The following FGF12 variants were observed in gnomAD, a reference collection of about 807,000 sequenced individuals.
FGF12 encodes fibroblast growth factor 12.
FGF12 carries 14 observed loss-of-function variants against 23.6 expected under a neutral mutation model. The ratio of observed to expected loss-of-function variants is 0.59; its 90% CI spans 0.39 to 0.93. The LOEUF (loss-of-function observed/expected upper bound fraction) is 0.93, where lower values mean the gene tolerates loss of function less well. FGF12 is among the 40% of genes least tolerant of loss of function. FGF12 has a pLI of 0.00. For synonymous variants in FGF12, 62 were observed against 77.3 expected (o/e 0.80, Z 1.04); for missense variants, 175 against 217.8 (o/e 0.80, Z 1.24).
intron 2 of FGF12, chr3:192,516,488 A>T (rs1444715966): frequency 6.6e-6 from 1 of 152,292 alleles, no homozygotes; most frequent in Non-Finnish European, 1.5e-5. Flanking sequence ...TAGGCTAAAC[A>T]TTCGCGGTTC....
At chr3:192,496,425 G>A (rs1020600222) in intron 2 of FGF12, among the ~76,000 whole-genome samples, 13 of 152,104 alleles carry the variant, frequency 8.5e-5, no homozygotes, top group African/African-American at 2.9e-4. Context: ...ATAGGAAGAC[G>A]CTTTTACACT....
At chr3:192,163,456 T>A (rs1577191155) in intron 5 of FGF12, among the ~76,000 whole-genome samples, 1 of 152,334 alleles carries the variant, frequency 6.6e-6, no homozygotes, top group East Asian at 1.9e-4. Context: ...TATATTACAT[T>A]AGATTCAGTC....
At chr3:192,335,231 C>A in intron 4 of FGF12, 130 bp downstream of exon 4, 1 of 640,708 alleles carries the variant, frequency 1.6e-6, no homozygotes, top group Non-Finnish European at 2.8e-6. Flanking sequence ...AAAATAATCC[C>A]GAAAAACAGG....
chr3:192,467,143 T>G (rs1460220613), intron 2 of FGF12, among the ~76,000 whole-genome samples: 2 of 152,302 alleles, frequency 1.3e-5, no homozygotes, highest in Non-Finnish European at 2.9e-5. Context: ...GTTTTAGAAT[T>G]TTTTCAGTTA....
At chr3:192,669,602 T>TAAAAAAAAAAAAAAAAAAAAAA (rs59897483) in intron 2 of FGF12, among the ~76,000 whole-genome samples, 21 of 59,528 alleles carry the variant, frequency 3.5e-4, no homozygotes, top group Non-Finnish European at 5.0e-4. Context: ...GACTCTGTCT[T>TAAAAAAAAAAAAAAAAAAAAAA]AAAAAAAAAA....
rs34991386 is a variant in FGF12, at chr3:192,336,108, TACACACACACAC to T, written c.125-656_125-645del. Among the ~76,000 whole-genome samples, 1 of 143,978 alleles carries T rather than the reference TACACACACACAC, an allele frequency of 6.9e-6. No individual in the cohort carries two copies. 94.5% of individuals were successfully genotyped at this position (143,978 alleles called of 152,430 possible). On this transcript the variant is annotated intron_variant, in intron 3 of 5. Coordinates refer to ENST00000445105, the MANE Select transcript of FGF12 (RefSeq NM_004113.6). This position sits in a 1 kb window ranked among gnomAD's most constrained non-coding sequence, Gnocchi z 4.3. ...ATATATTTTATATCCAGGTGGGAAA[TACACACACACAC>T]ACACACACACACACACATATACACA... is the stretch of plus-strand genomic sequence containing the variant.
chr3:192,618,213 G>A (rs904353194), intron 2 of FGF12, among the ~76,000 whole-genome samples: 1 of 148,112 alleles, frequency 6.8e-6, no homozygotes, highest in Non-Finnish European at 1.5e-5. Flanking sequence ...GTGAAAAAGA[G>A]TACATTCTTT....
intron 2 of FGF12, among the ~76,000 whole-genome samples, chr3:192,680,555 C>T (rs964659603): frequency 1.3e-5 from 2 of 151,960 alleles, no homozygotes; most frequent in African/African-American, 4.8e-5. Flanking sequence ...CTGGAGCGGA[C>T]AGAAGAAAAC....
intron 2 of FGF12, among the ~76,000 whole-genome samples, chr3:192,453,215 AC>A (rs1190912640): frequency 6.6e-6 from 1 of 151,884 alleles, no homozygotes; most frequent in African/African-American, 2.4e-5. Context: ...ATACTTCCAA[AC>A]CATCTATTGG....
At chr3:192,687,564 TA>T (rs1717790164) in intron 2 of FGF12, among the ~76,000 whole-genome samples, 1 of 152,104 alleles carries the variant, frequency 6.6e-6, no homozygotes, top group East Asian at 1.9e-4. Flanking sequence ...CTGCTGTCTC[TA>T]AAGGAGCTCC....
intron 2 of FGF12, among the ~76,000 whole-genome samples, chr3:192,556,413 T>A (rs1052960727): frequency 3.3e-5 from 5 of 152,094 alleles, no homozygotes; most frequent in Non-Finnish European, 7.4e-5. Context: ...AAAACTGTTA[T>A]AAGAGACAAA....
rs186112692 is a variant in FGF12, at chr3:192,297,978, A to G, written c.228+37383T>C. The stretch of plus-strand genomic sequence containing the variant: ...TGGTAGAATGTCTATATTTCTGAAT[A>G]TAACACTGAGAAGGCATTTGTAACC... On this transcript the variant is annotated intron_variant, in intron 4 of 5. Transcript: ENST00000445105. 5.7e-4 allele frequency among the ~76,000 whole-genome samples: 87 copies of G among 152,324 alleles called. No homozygotes were observed. The Middle Eastern group carries it at 0.01, about 18-fold the overall frequency.
intron 4 of FGF12, among the ~76,000 whole-genome samples, chr3:192,315,840 C>A (rs890307142): frequency 7.9e-5 from 12 of 152,224 alleles, no homozygotes; most frequent in Non-Finnish European, 8.8e-5. Context: ...TTGGCAGGAA[C>A]AACAAGGAGG....
At chr3:192,375,498 T>A (rs1459453109) in intron 2 of FGF12, among the ~76,000 whole-genome samples, 1 of 152,168 alleles carries the variant, frequency 6.6e-6, no homozygotes, top group Non-Finnish European at 1.5e-5. Context: ...TTTTATCAAA[T>A]AATGCAAACG....
intron 4 of FGF12, among the ~76,000 whole-genome samples, chr3:192,171,283 T>C (rs761124433): frequency 1.7e-4 from 26 of 152,182 alleles, no homozygotes; most frequent in Non-Finnish European, 3.5e-4. Context: ...TATTAATTCC[T>C]ATTACTATTG....
chr3:192,429,047 G>A (rs961985683), intron 2 of FGF12, among the ~76,000 whole-genome samples: 2 of 151,622 alleles, frequency 1.3e-5, no homozygotes, highest in African/African-American at 4.8e-5. Context: ...AATTTATTTT[G>A]GGCAAAAACT....
intron 2 of FGF12, among the ~76,000 whole-genome samples, chr3:192,531,496 ATCT>A (rs1359918777): frequency 6.6e-6 from 1 of 152,214 alleles, no homozygotes; most frequent in Admixed American, 6.5e-5. Flanking sequence ...TTTACAGAAG[ATCT>A]TCTTCAAAAG....
chr3:192,419,935 A>G (rs1017447042), intron 2 of FGF12, among the ~76,000 whole-genome samples: 9 of 152,152 alleles, frequency 5.9e-5, no homozygotes, highest in African/African-American at 1.9e-4. Context: ...AACCTAAATG[A>G]TAATGTTCCT....
In FGF12 at chr3:192,174,705, T is replaced by G. The variant is rs563491739; in HGVS notation, c.229-4049A>C. Among the ~76,000 whole-genome samples the G allele has an allele frequency of 1.2e-3, 179 of 152,028 alleles. 1 individual carries two copies. Among genetic ancestry groups the G allele is most frequent in the African/African-American group, 4.1e-3 (171 of 41,472 alleles). On this transcript the variant is annotated intron_variant, in intron 4 of 5. Coordinates refer to ENST00000445105, the MANE Select transcript of FGF12 (RefSeq NM_004113.6). ...TTGTATTTGCTATTATGCCTCTTTT[T>G]TTTTTGTAATGAGAAATCAGAGCCC...
Sources: allele counts gnomAD v4.1 joint callset (sites outside exome capture counted in the v4.1 genomes callset), GRCh38; gene constraint gnomAD v4.1.1; non-coding constraint Gnocchi (gnomAD v3.1); transcripts MANE v1.5; gene names NCBI Gene and HGNC (gene_info 2026-07-23, HGNC 2026-07-21).